The following PDE4D variants were observed in gnomAD, a reference collection of about 807,000 sequenced individuals.
PDE4D encodes 3',5'-cyclic-AMP phosphodiesterase 4D.
PDE4D carries 24 observed loss-of-function variants against 87.4 expected under a neutral mutation model. The ratio of observed to expected loss-of-function variants is 0.27; its 90% confidence interval spans 0.20 to 0.39. PDE4D has a LOEUF of 0.39. Ranked by LOEUF, PDE4D falls within the 10% of genes least tolerant of loss-of-function variation. The pLI is 1.00. For synonymous variants in PDE4D, 384 were observed against 383.2 expected, an observed-to-expected ratio of 1.00 and a Z score of -0.02; for missense variants, 714 against 1,041.0, an observed-to-expected ratio of 0.69 and a Z score of 4.32.
chr5:59,245,333 A>G (rs1398364482), intron 1 of PDE4D, among the ~76,000 whole-genome samples: 1 of 152,148 alleles, frequency 6.6e-6, no homozygotes, highest in Non-Finnish European at 1.5e-5. Flanking sequence ...CTGTAACTGG[A>G]TATTGTAAAT....
chr5:59,501,206 T>C (rs1808236304), intron 1 of PDE4D, among the ~76,000 whole-genome samples: 1 of 152,218 alleles, frequency 6.6e-6, no homozygotes, highest in Non-Finnish European at 1.5e-5. Context: ...TAGTCATTTC[T>C]TAGTTTTTAG....
chr5:59,978,943 T>C (rs529577841), intron 3 of PDE4D, among the ~76,000 whole-genome samples: 59 of 152,304 alleles, frequency 3.9e-4, no homozygotes, highest in Non-Finnish European at 3.5e-4. Flanking sequence ...AAGTATTTCT[T>C]ACTTAAGGCA....
At chr5:59,539,271 A>G (rs1583037400) in intron 1 of PDE4D, among the ~76,000 whole-genome samples, 1 of 152,192 alleles carries the variant, frequency 6.6e-6, no homozygotes, top group Non-Finnish European at 1.5e-5. Flanking sequence ...CACAGAGTTC[A>G]GATTTTTGTC....
intron 1 of PDE4D, among the ~76,000 whole-genome samples, chr5:60,200,751 G>GT (rs1432919357): frequency 6.6e-6 from 1 of 152,082 alleles, no homozygotes; most frequent in African/African-American, 2.4e-5. Context: ...GGGAATTTCT[G>GT]TAAGACAGTA....
At chr5:59,214,747 C>T (rs925399677) in intron 2 of PDE4D, among the ~76,000 whole-genome samples, 6 of 152,100 alleles carry the variant, frequency 3.9e-5, no homozygotes, top group African/African-American at 4.8e-5. Flanking sequence ...GAAGGGTAGA[C>T]GTCAATAATA....
intron 5 of PDE4D, among the ~76,000 whole-genome samples, chr5:59,060,836 C>G (rs1282151609): frequency 6.6e-6 from 1 of 152,106 alleles, no homozygotes. Flanking sequence ...ACAAGAATCA[C>G]CCTGGAGCTT....
chr5:59,986,766 G>A (rs192987033), intron 3 of PDE4D: 1 of 152,270 alleles, frequency 6.6e-6, no homozygotes, highest in Non-Finnish European at 1.5e-5. Context: ...TGTGGTTTAT[G>A]CTGCATATCC....
intron 2 of PDE4D, among the ~76,000 whole-genome samples, chr5:60,069,770 G>A (rs921862694): frequency 2.6e-5 from 4 of 151,652 alleles, no homozygotes; most frequent in Non-Finnish European, 5.9e-5. Flanking sequence ...GATTTCTTTT[G>A]GTAGTATGGA....
At chr5:59,189,233 T>G (rs1743643638) in intron 3 of PDE4D, among the ~76,000 whole-genome samples, 1 of 4,778 alleles carries the variant, frequency 2.1e-4, no homozygotes, top group African/African-American at 6.9e-4. Flanking sequence ...TCCTACCCCG[T>G]TTTTTTTTTT....
chr5:59,226,020 C>T (rs1406235640), intron 1 of PDE4D, among the ~76,000 whole-genome samples: 1 of 151,352 alleles, frequency 6.6e-6, no homozygotes, highest in Non-Finnish European at 1.5e-5. Context: ...CAAGGACATA[C>T]AGAAATTGGA....
intron 1 of PDE4D, among the ~76,000 whole-genome samples, chr5:59,259,642 TA>T (rs1761619255): frequency 6.6e-6 from 1 of 151,634 alleles, no homozygotes; most frequent in Non-Finnish European, 1.5e-5. Context: ...TTAGAATTGT[TA>T]AAAGTTTCTT....
intron 3 of PDE4D, among the ~76,000 whole-genome samples, chr5:59,962,892 G>T (rs1017613909): frequency 4.6e-5 from 7 of 152,088 alleles, no homozygotes; most frequent in Non-Finnish European, 2.9e-5. Context: ...ATTAGTAATT[G>T]TTATTTTTGC....
intron 1 of PDE4D, among the ~76,000 whole-genome samples, chr5:59,281,168 A>G (rs963196294): frequency 2.0e-5 from 3 of 152,122 alleles, no homozygotes; most frequent in African/African-American, 7.2e-5. Context: ...TCCATCTTCC[A>G]AAGTATGTTT....
chr5:60,482,221 T>C (rs1188114133), intron 1 of PDE4D, among the ~76,000 whole-genome samples: 3 of 151,978 alleles, frequency 2.0e-5, no homozygotes, highest in Admixed American at 6.6e-5. Flanking sequence ...GTGAAGATAA[T>C]AGGAGAAGTC....
intron 1 of PDE4D, among the ~76,000 whole-genome samples, chr5:59,820,052 A>G (rs1211128434): frequency 2.0e-5 from 3 of 152,208 alleles, no homozygotes; most frequent in South Asian, 4.1e-4. Flanking sequence ...CCGTGTGTGT[A>G]AGATGAAAAC....
At chr5:59,224,293 TACAC>T (rs35273659) in intron 1 of PDE4D, among the ~76,000 whole-genome samples, 20,407 of 135,320 alleles carry the variant, frequency 0.15, 1,795 homozygotes, top group African/African-American at 0.26. Flanking sequence ...CACACACACA[TACAC>T]ACACACACAC....
chr5:60,387,891 C>T (rs999708634), intron 1 of PDE4D, among the ~76,000 whole-genome samples: 4 of 152,144 alleles, frequency 2.6e-5, no homozygotes, highest in Admixed American at 6.5e-5. Context: ...AAGATGCTTC[C>T]ACCTGTAGAC....
intron 1 of PDE4D, among the ~76,000 whole-genome samples, chr5:59,859,082 A>G (rs1459287709): frequency 6.6e-6 from 1 of 152,208 alleles, no homozygotes; most frequent in Non-Finnish European, 1.5e-5. Context: ...GTTTGTTTAA[A>G]TTGATAGCCA....
chr5:59,479,266 A>G (rs1803833788), intron 1 of PDE4D, among the ~76,000 whole-genome samples: 1 of 151,964 alleles, frequency 6.6e-6, no homozygotes, highest in South Asian at 2.1e-4. Context: ...TGCTCCCTGG[A>G]GAGTTCCTAA....
Sources: gnomAD v4.1 joint callset for allele counts (sites outside exome capture counted in the v4.1 genomes callset) on GRCh38, gnomAD v4.1.1 for gene constraint, MANE v1.5 for transcripts, NCBI Gene and HGNC (gene_info 2026-07-23, HGNC 2026-07-21) for gene names.